The following POLR2B variants were observed in gnomAD, a reference collection of about 807,000 sequenced individuals.
POLR2B encodes DNA-directed RNA polymerase II subunit RPB2.
In POLR2B, 57 loss-of-function variants were observed where a neutral mutation model predicts 144.6. The ratio of observed to expected loss-of-function variants is 0.39; its 90% CI spans 0.32 to 0.49. The LOEUF (loss-of-function observed/expected upper bound fraction) is 0.49, where lower values mean the gene tolerates loss of function less well. Ranked by LOEUF, POLR2B falls within the 20% of genes least tolerant of loss-of-function variation. The pLI is 0.83. For synonymous variants in POLR2B, 442 were observed against 469.8 expected, an observed-to-expected ratio of 0.94 and a Z score of 0.77; for missense variants, 595 against 1,467.4, an observed-to-expected ratio of 0.41 and a Z score of 9.71.
At chr4:57,028,027 A>G (rs1356479736) in intron 23 of POLR2B, among the ~76,000 whole-genome samples, 1 of 152,182 alleles carries the variant, frequency 6.6e-6, no homozygotes, top group Non-Finnish European at 1.5e-5. Context: ...TATTTTCCTC[A>G]AAGACTTACT....
chr4:56,984,749 G>T (rs190305871), intron 1 of POLR2B, among the ~76,000 whole-genome samples: 3 of 152,238 alleles, frequency 2.0e-5, no homozygotes, highest in Admixed American at 1.3e-4. Context: ...TTTGAACCCA[G>T]ATCTCCTGAA....
rs922981998 is a variant in POLR2B at position 57,025,662 on chromosome 4, T to C, written c.3239+125T>C. 2.4e-5 allele frequency: 15 copies of C among 615,634 alleles called. No individual in the cohort carries two copies. In the Admixed American group the frequency reaches 3.0e-4, roughly 12 times the overall value. 38.1% of individuals were successfully genotyped at this position (615,634 alleles called of 1,614,324 possible). Reference sequence around the variant, plus strand: ...CCTGTTACCCCCATTTCAACAATTATCGACTGATGGCCAGTCTTGTTGCAT... The same window carrying C: ...CCTGTTACCCCCATTTCAACAATTACCGACTGATGGCCAGTCTTGTTGCAT... On this transcript the variant is annotated intron_variant, in intron 23 of 24. Transcript: ENST00000314595.
chr4:57,027,508 A>G (rs892289422), intron 23 of POLR2B, among the ~76,000 whole-genome samples: 1 of 151,932 alleles, frequency 6.6e-6, no homozygotes, highest in Non-Finnish European at 1.5e-5. Flanking sequence ...GGGTTTTGCC[A>G]TGTTTCCCAG....
At chr4:56,988,602 A>T (rs1722406039) in intron 2 of POLR2B, among the ~76,000 whole-genome samples, 1 of 152,166 alleles carries the variant, frequency 6.6e-6, no homozygotes, top group South Asian at 2.1e-4. Flanking sequence ...GTATTTAAAC[A>T]TCTGTATTCC....
chr4:57,025,107 TAG>T, intron 22 of POLR2B, 108 bp downstream of exon 22: 1 of 658,762 alleles, frequency 1.5e-6, no homozygotes, highest in East Asian at 2.6e-5. Flanking sequence ...TGTGCACATA[TAG>T]AAATGTACAG....
At chr4:57,016,818 C>T (rs1276557575) in intron 14 of POLR2B, among the ~76,000 whole-genome samples, 1 of 149,146 alleles carries the variant, frequency 6.7e-6, no homozygotes, top group Non-Finnish European at 1.5e-5. Context: ...TGTATTCTTC[C>T]AGTGCTTATT....
In POLR2B at chr4:57,023,677, A is replaced by G. The variant is rs908532761; in HGVS notation, c.2782A>G (p.Ile928Val). Residue 928 changes from isoleucine to valine, a missense_variant, in exon 20 of 25, where the codon ATT becomes GTT. This residue lies in a region of POLR2B where 65 missense variants were observed against 282.8 expected (regional missense o/e 0.23). Coordinates refer to ENST00000314595, the MANE Select transcript of POLR2B (RefSeq NM_000938.3). The surrounding 1 kb of genome is among the most constrained non-coding windows in gnomAD (Gnocchi z 4.3). ...FCKIRVRSVRIPQIGDKFASR... is the reference protein window; with the variant it reads ...FCKIRVRSVRVPQIGDKFASR... The stretch of plus-strand genomic sequence containing the variant: ...ATGAATTTAGGTACGCTCTGTTAGG[A>G]TTCCACAGATTGGAGACAAATTTGC... 6.2e-7 allele frequency: 1 copy of G among 1,613,038 alleles called. No homozygotes were observed. Among genetic ancestry groups the G allele is most frequent in the African/African-American group, 1.3e-5 (1 of 74,896 alleles).
intron 2 of POLR2B, 91 bp from the exon 3 acceptor site, chr4:56,990,657 G>GAATAATGAAAATGGGGA: frequency 1.8e-6 from 2 of 1,127,906 alleles, no homozygotes; most frequent in Non-Finnish European, 2.6e-6. Context: ...ACTGTTTCTT[G>GAATAATGAAAATGGGGA]AATAATGAAA....
rs531973865 is a variant in POLR2B, at chr4:56,985,456, C to T, written c.20-898C>T. 845 of 985,222 alleles carry T rather than the reference C, an allele frequency of 8.6e-4. 6 individuals are homozygous for T. In the African/African-American group the frequency reaches 0.012, roughly 14 times the overall value. 61.0% of individuals were successfully genotyped at this position (985,222 alleles called of 1,614,324 possible). A position where few individuals can be genotyped will look rare whatever the true frequency, so the allele number is the denominator to read the frequency against. The stretch of plus-strand genomic sequence containing the variant: ...CCGTGGGGCGGCCCCGACTTTCGGG[C>T]GGTGAGTGAGAGGCGGGCCCTGCAA... On this transcript the variant is annotated intron_variant, in intron 1 of 24. Coordinates refer to ENST00000314595, the MANE Select transcript of POLR2B (RefSeq NM_000938.3).
intron 2 of POLR2B, 96 bp downstream of exon 2, chr4:56,986,522 T>G: frequency 1.5e-6 from 1 of 679,098 alleles, no homozygotes; most frequent in Non-Finnish European, 2.6e-6. Context: ...ATATGCTACA[T>G]GAGAGTAGTT....
At chr4:57,008,577 T>C (rs974377586) in intron 10 of POLR2B, among the ~76,000 whole-genome samples, 1 of 152,232 alleles carries the variant, frequency 6.6e-6, no homozygotes, top group African/African-American at 2.4e-5. Flanking sequence ...GTGATCCTGA[T>C]CTTCAGTAGT....
rs575499358 is a variant in POLR2B, at chr4:57,016,097, T to C, written c.1955+441T>C. 2.0e-5 allele frequency among the ~76,000 whole-genome samples: 3 copies of C among 152,372 alleles called. No homozygotes were observed. The South Asian group carries it at 6.2e-4, about 32-fold the overall frequency. On this transcript the variant is annotated intron_variant, in intron 14 of 24. Transcript: ENST00000314595. Reference sequence around the variant, plus strand: ...TAAAAAGTATACAATTAGTGGTTTTTAGTGTGTTTGCAATGTTGTGCAACC... The same window carrying C: ...TAAAAAGTATACAATTAGTGGTTTTCAGTGTGTTTGCAATGTTGTGCAACC...
rs199525731 is a variant in POLR2B, at chr4:57,015,615, G to A, written c.1914G>A (p.Arg638=). ...AACAAAAGCTACTTTTGAAGAAGAG[G>A]CATATTGACCAATTGAAAGAGAGAG... The part of the protein sequence containing the change: ...VEKQKLLLKK[R]HIDQLKEREY... The change falls in exon 14 of 25, where the codon AGG becomes AGA. Residue 638 remains arginine, a synonymous_variant. Transcript: ENST00000314595. 3.3e-6 allele frequency: 5 copies of A among 1,506,658 alleles called. No homozygotes were observed. In the African/African-American group the frequency reaches 5.5e-5, roughly 17 times the overall value. The allele number at this position is 1,506,658 out of a possible 1,614,324, so 93.3% of individuals were successfully genotyped here.
chr4:56,979,109 C>T (rs1489712331), intron 1 of POLR2B, 105 bp downstream of exon 1: 1 of 1,171,064 alleles, frequency 8.5e-7, no homozygotes, highest in Non-Finnish European at 1.3e-6. Flanking sequence ...GCCGGCTGCA[C>T]AGTCCCCAGC....
rs372819986 is a variant in POLR2B at position 56,986,391 on chromosome 4, G to A, written c.57G>A (p.Pro19=). 62 of 1,612,840 alleles carry A rather than the reference G, an allele frequency of 3.8e-5. No homozygotes were observed. Among genetic ancestry groups the A allele is most frequent in the South Asian group, 3.1e-4 (28 of 91,034 alleles). ...QYDEDDDEIT[P]DLWQEACWIV... is the part of the protein sequence containing the mutation. The stretch of plus-strand genomic sequence containing the variant: ...ATGAGGATGATGATGAAATCACCCC[G>A]GATTTGTGGCAAGAAGCATGCTGGA... The change falls in exon 2 of 25, where the codon CCG becomes CCA. Residue 19 remains proline, a synonymous_variant. Coordinates refer to ENST00000314595, the MANE Select transcript of POLR2B (RefSeq NM_000938.3).
intron 17 of POLR2B, among the ~76,000 whole-genome samples, chr4:57,021,427 T>C (rs1723544403): frequency 6.6e-6 from 1 of 151,934 alleles, no homozygotes; most frequent in South Asian, 2.1e-4. Context: ...TTTGTCTGTG[T>C]AGTTTCAAAG....
intron 9 of POLR2B, among the ~76,000 whole-genome samples, chr4:57,006,255 T>C (rs7661194): frequency 0.3 from 45,967 of 152,170 alleles, 6,986 homozygotes; most frequent in Admixed American, 0.38. Context: ...ATGTTATAGA[T>C]TAGTGTTTTT....
chr4:57,022,379 T>A, intron 18 of POLR2B, 133 bp downstream of exon 18: 1 of 624,124 alleles, frequency 1.6e-6, no homozygotes, highest in Non-Finnish European at 2.9e-6. Flanking sequence ...AATGAAAGTG[T>A]GTTTTCATGT....
chr4:57,003,463 G>C (rs1722915668), intron 7 of POLR2B, among the ~76,000 whole-genome samples: 1 of 151,956 alleles, frequency 6.6e-6, no homozygotes, highest in Admixed American at 6.6e-5. Context: ...TGGCATGGTG[G>C]CTCACGCCTG....
Sources: allele counts gnomAD v4.1 joint callset (sites outside exome capture counted in the v4.1 genomes callset), GRCh38; gene constraint gnomAD v4.1.1; regional missense constraint gnomAD v4.1.1; non-coding constraint Gnocchi (gnomAD v3.1); transcripts MANE v1.5; gene names NCBI Gene and HGNC (gene_info 2026-07-23, HGNC 2026-07-21).